Variants in RORA observed in about 807,000 individuals in gnomAD.
RORA encodes RAR related orphan receptor A.
In RORA, 7 loss-of-function variants were observed where a neutral mutation model predicts 69.5. The observed-to-expected ratio is 0.10, with a 90% CI of 0.06 to 0.19. The LOEUF (loss-of-function observed/expected upper bound fraction) is 0.19. Ranked by LOEUF, RORA falls within the 10% of genes least tolerant of loss-of-function variation. The pLI, the probability that RORA is intolerant of heterozygous loss-of-function variation, is 1.00. For synonymous variants in RORA, 261 were observed against 240.8 expected (o/e 1.08, Z -0.78); for missense variants, 457 against 663.0 (o/e 0.69, Z 3.41).
chr15:60,942,532 C>T (rs189702146), intron 1 of RORA, among the ~76,000 whole-genome samples: 5 of 152,332 alleles, frequency 3.3e-5, no homozygotes, highest in African/African-American at 1.2e-4. Flanking sequence ...CTTTGCTTCA[C>T]ATTAGGGATG....
At position 60,972,571 on chromosome 15, in the gene RORA, C is replaced by T. The variant is rs1042733674; in HGVS notation, c.166+256482G>A. Among the ~76,000 whole-genome samples the T allele has an allele frequency of 1.2e-4, 19 of 152,176 alleles. No homozygotes were observed. The East Asian group carries it at 1.9e-3, about 15-fold the overall frequency. On this transcript the variant is annotated intron_variant, in intron 1 of 10. Transcript: ENST00000335670. ...GTGTGTGTATGCATGTCTCACTGCA[C>T]GTTTCACTATTTTAAAATAAAGTCC...
chr15:60,561,697 A>C (rs2067565339), intron 2 of RORA, among the ~76,000 whole-genome samples: 2 of 152,192 alleles, frequency 1.3e-5, no homozygotes, highest in Admixed American at 1.3e-4. Flanking sequence ...ATCTCAATCC[A>C]AAACTATATC....
At chr15:61,203,973 C>T (rs527245522) in intron 1 of RORA, among the ~76,000 whole-genome samples, 148 of 152,322 alleles carry the variant, frequency 9.7e-4, no homozygotes, top group African/African-American at 3.4e-3. Context: ...ACTGAGGCTG[C>T]TTAGTGTCAA....
At chr15:61,092,080 A>T (rs894493778) in intron 1 of RORA, among the ~76,000 whole-genome samples, 1 of 152,222 alleles carries the variant, frequency 6.6e-6, no homozygotes, top group Non-Finnish European at 1.5e-5. Context: ...CCTCTAGGGA[A>T]CTTGGGCCAA....
intron 1 of RORA, among the ~76,000 whole-genome samples, chr15:61,104,631 C>G (rs974461586): frequency 6.6e-6 from 1 of 152,158 alleles, no homozygotes; most frequent in Non-Finnish European, 1.5e-5. Flanking sequence ...TTTTAGCCCA[C>G]TCTCCCCCAC....
chr15:60,804,718 A>C (rs1378808271), intron 1 of RORA, among the ~76,000 whole-genome samples: 1 of 152,248 alleles, frequency 6.6e-6, no homozygotes, highest in Non-Finnish European at 1.5e-5. Context: ...GTATGAGATT[A>C]AACAACCGAT....
chr15:60,555,395 G>C (rs2140403368), intron 2 of RORA, among the ~76,000 whole-genome samples: 1 of 152,222 alleles, frequency 6.6e-6, no homozygotes, highest in East Asian at 1.9e-4. Flanking sequence ...TTGGTTTCAA[G>C]GAGCAAATAT....
At chr15:60,710,159 G>A (rs1279273568) in intron 1 of RORA, among the ~76,000 whole-genome samples, 2 of 152,144 alleles carry the variant, frequency 1.3e-5, no homozygotes, top group African/African-American at 4.8e-5. Context: ...ATCTTGCCTT[G>A]CACTTAGACT....
intron 2 of RORA, among the ~76,000 whole-genome samples, chr15:60,580,206 G>T (rs1374523794): frequency 6.6e-6 from 1 of 152,168 alleles, no homozygotes; most frequent in Non-Finnish European, 1.5e-5. Flanking sequence ...CACATGATTT[G>T]AGTTAGAGAA....
At chr15:60,523,053 A>AAAAAAAAACACACC (rs2066230026) in intron 3 of RORA, among the ~76,000 whole-genome samples, 1 of 151,686 alleles carries the variant, frequency 6.6e-6, no homozygotes, top group Non-Finnish European at 1.5e-5. Flanking sequence ...AAAAACACAA[A>AAAAAAAAACACACC]AAAAAAAACT....
intron 1 of RORA, among the ~76,000 whole-genome samples, chr15:60,818,726 G>T (rs1348333984): frequency 1.3e-5 from 2 of 152,276 alleles, no homozygotes; most frequent in East Asian, 3.9e-4. Flanking sequence ...AAAAAACAAG[G>T]ATTTCTATCT....
chr15:60,856,730 T>A lies in RORA; in HGVS notation c.167-178044A>T, dbSNP rs115955565. 6.8e-3 allele frequency among the ~76,000 whole-genome samples: 1,035 copies of A among 152,336 alleles called. 16 individuals carry two copies. The highest frequency in any genetic ancestry group is 0.024 in the African/African-American group (979 of 41,574). ...AGAGCAAGAGAGAAAGTGCTGCCTCTTTTCTGGACAGGGAACGCTGCCTGA... is the reference window on the plus strand; with the variant it reads ...AGAGCAAGAGAGAAAGTGCTGCCTCATTTCTGGACAGGGAACGCTGCCTGA... On this transcript the variant is annotated intron_variant, in intron 1 of 10. Coordinates refer to ENST00000335670, the MANE Select transcript of RORA (RefSeq NM_134261.3).
At chr15:61,138,453 C>G (rs1010724947) in intron 1 of RORA, among the ~76,000 whole-genome samples, 1 of 152,118 alleles carries the variant, frequency 6.6e-6, no homozygotes, top group Non-Finnish European at 1.5e-5. Flanking sequence ...GTCATTACTC[C>G]CCCAGGGTTA....
intron 1 of RORA, among the ~76,000 whole-genome samples, chr15:60,743,305 G>T (rs557684235): frequency 6.6e-6 from 1 of 152,060 alleles, no homozygotes; most frequent in Non-Finnish European, 1.5e-5. Context: ...GTGAGCCACC[G>T]CACCCGGCTG....
At chr15:61,085,957 T>C (rs2078618693) in intron 1 of RORA, among the ~76,000 whole-genome samples, 1 of 152,244 alleles carries the variant, frequency 6.6e-6, no homozygotes, top group Non-Finnish European at 1.5e-5. Flanking sequence ...TAGGCTCCTC[T>C]TGCCTAGGTT....
At position 60,678,702 on chromosome 15, in the gene RORA, C is replaced by A; in HGVS notation, c.167-16G>T. ...ACTGAGATACCTGGAAGAGAAGAAA[C>A]AATAACATAGGTTAGAAAGTGCCCT... On this transcript the variant is annotated splice_polypyrimidine_tract_variant and intron_variant, in intron 1 of 10. Coordinates refer to ENST00000335670, the MANE Select transcript of RORA (RefSeq NM_134261.3). The A allele has an allele frequency of 6.2e-7, 1 of 1,608,858 alleles. No homozygotes were observed. The highest frequency in any genetic ancestry group is 1.1e-5 in the South Asian group (1 of 90,956).
At chr15:61,139,585 CT>C (rs756781066) in intron 1 of RORA, among the ~76,000 whole-genome samples, 6 of 152,324 alleles carry the variant, frequency 3.9e-5, no homozygotes, top group Non-Finnish European at 7.4e-5. Context: ...TCCAACAGTA[CT>C]TCTGTGGCTT....
At chr15:60,758,083 T>C (rs1363396106) in intron 1 of RORA, among the ~76,000 whole-genome samples, 1 of 152,230 alleles carries the variant, frequency 6.6e-6, no homozygotes, top group Admixed American at 6.5e-5. Flanking sequence ...TTGACCTATA[T>C]GTCAATGACT....
At position 60,496,421 on chromosome 15, in the gene RORA, C is replaced by CA. The variant is rs2141243140; in HGVS notation, c.*1033_*1034insT. On this transcript the variant is annotated 3_prime_UTR_variant, in exon 11 of 11. Transcript: ENST00000335670. This position sits in a 1 kb window ranked among gnomAD's most constrained non-coding sequence, Gnocchi z 4.5. ...TGTGTAAAATGAGCTTCTCCTCCCC[C>CA]TCGCCTCCATGAGGTGGCATTTTAA... 6.6e-6 allele frequency: 1 copy of CA among 152,080 alleles called. No individual in the cohort carries two copies. Among genetic ancestry groups the CA allele is most frequent in the Admixed American group, 6.5e-5 (1 of 15,272 alleles). The allele number at this position is 152,080 out of a possible 1,614,324, so 9.4% of individuals were successfully genotyped here. A position where few individuals can be genotyped will look rare whatever the true frequency, so the allele number is the denominator to read the frequency against.
Sources: allele counts gnomAD v4.1 joint callset (sites outside exome capture counted in the v4.1 genomes callset), GRCh38; gene constraint gnomAD v4.1.1; non-coding constraint Gnocchi (gnomAD v3.1); transcripts MANE v1.5; gene names NCBI Gene and HGNC (gene_info 2026-07-23, HGNC 2026-07-21).